SATB1: variants seen among roughly 807,000 people sequenced by gnomAD.
SATB1 encodes SATB homeobox 1, also known as DNA-binding protein SATB1.
In SATB1, 11 loss-of-function variants were observed where a neutral mutation model predicts 86.9. The observed-to-expected ratio is 0.13, with a 90% CI of 0.08 to 0.21. SATB1 has a LOEUF of 0.21. Among genes scored for constraint, SATB1 ranks in the 10% least tolerant of loss-of-function variants. The pLI is 1.00. For synonymous variants in SATB1, 357 were observed against 357.2 expected (o/e 1.00, Z 0.01); for missense variants, 551 against 937.6 (o/e 0.59, Z 5.39).
At chr3:18,412,449 T>C (rs1194023984) in intron 5 of SATB1, among the ~76,000 whole-genome samples, 3 of 152,044 alleles carry the variant, frequency 2.0e-5, no homozygotes, top group African/African-American at 4.8e-5. Flanking sequence ...AACTATAATA[T>C]TTAGGGCCCC....
chr3:18,384,200 T>G (rs1292235847), intron 8 of SATB1, among the ~76,000 whole-genome samples: 2 of 152,118 alleles, frequency 1.3e-5, no homozygotes, highest in African/African-American at 2.4e-5. Flanking sequence ...CAAAAATAAA[T>G]TAAACATATA....
chr3:18,408,797 T>C (rs985450759), intron 5 of SATB1: 1 of 151,786 alleles, frequency 6.6e-6, no homozygotes, highest in African/African-American at 2.4e-5. Context: ...TAACTAGTAA[T>C]TGAGAAAAAA....
intron 9 of SATB1, among the ~76,000 whole-genome samples, chr3:18,354,744 T>C (rs537091338): frequency 6.6e-6 from 1 of 152,262 alleles, no homozygotes; most frequent in South Asian, 2.1e-4. Flanking sequence ...AGATGTTCTT[T>C]GGAAAAGAAA....
chr3:18,431,112 T>C (rs1698876179), intron 2 of SATB1, among the ~76,000 whole-genome samples: 2 of 152,134 alleles, frequency 1.3e-5, no homozygotes, highest in South Asian at 4.1e-4. Context: ...TCCACCAAAA[T>C]TGGTACCTTT....
At chr3:18,441,302 T>C (rs79621938), upstream of SATB1, among the ~76,000 whole-genome samples, 1,683 of 152,276 alleles carry the variant, frequency 0.011, 36 homozygotes, top group African/African-American at 0.036. Context: ...AAATATTTCG[T>C]GGCAGCATTT....
upstream of SATB1, among the ~76,000 whole-genome samples, chr3:18,442,322 G>A (rs1575193785): frequency 1.3e-5 from 2 of 152,032 alleles, no homozygotes; most frequent in Non-Finnish European, 2.9e-5. Flanking sequence ...CTTGTATAAT[G>A]TTAGATGTAG....
Position 18,349,753 on chromosome 3 carries a change from GA to G in SATB1, c.1780-72del. ...TCCACACAAAGCCGTCTCCAATCAGGAAAAATGTGGTCCCGGATCCTACATA... is the reference window on the plus strand; with the variant it reads ...TCCACACAAAGCCGTCTCCAATCAGGAAAATGTGGTCCCGGATCCTACATA... On this transcript the variant is annotated intron_variant, in intron 10 of 10. Coordinates refer to ENST00000338745, the MANE Select transcript of SATB1 (RefSeq NM_002971.6). This position sits in a 1 kb window ranked among gnomAD's most constrained non-coding sequence, Gnocchi z 5.5. 6.6e-7 allele frequency: 1 copy of G among 1,509,610 alleles called. No individual in the cohort carries two copies. 93.5% of individuals were successfully genotyped at this position (1,509,610 alleles called of 1,614,324 possible).
intron 9 of SATB1, among the ~76,000 whole-genome samples, chr3:18,359,818 G>A (rs1362124172): frequency 2.0e-5 from 3 of 151,074 alleles, no homozygotes; most frequent in Non-Finnish European, 4.4e-5. Flanking sequence ...AAAAAAAACA[G>A]AAAACTCAGT....
At chr3:18,410,595 C>T (rs1231461622) in intron 5 of SATB1, among the ~76,000 whole-genome samples, 1 of 151,988 alleles carries the variant, frequency 6.6e-6, no homozygotes, top group Non-Finnish European at 1.5e-5. Context: ...ATGTTATATC[C>T]TTAACACTAC....
chr3:18,397,442 A>C, intron 5 of SATB1, 152 bp from the exon 6 acceptor site: 1 of 583,308 alleles, frequency 1.7e-6, no homozygotes. Flanking sequence ...CGACTTCTTA[A>C]TATTCATTAA....
At chr3:18,374,393 A>G (rs1158959618) in intron 9 of SATB1, among the ~76,000 whole-genome samples, 1 of 152,214 alleles carries the variant, frequency 6.6e-6, no homozygotes, top group Non-Finnish European at 1.5e-5. Flanking sequence ...TTCTGCTCTC[A>G]TAATTATTTG....
chr3:18,415,277 C>T, intron 4 of SATB1, 43 bp from the exon 5 acceptor site: 1 of 1,608,474 alleles, frequency 6.2e-7, no homozygotes, highest in Non-Finnish European at 8.5e-7. Flanking sequence ...TACAAGATTG[C>T]ATCCCGCTGC....
chr3:18,417,608 A>T (rs568636009), intron 2 of SATB1: 2 of 677,058 alleles, frequency 3.0e-6, no homozygotes, highest in East Asian at 5.5e-5. Flanking sequence ...TGGTTCCACA[A>T]ATCATTTTCT....
chr3:18,397,528 CTT>C (rs1240854474), intron 5 of SATB1, among the ~76,000 whole-genome samples: 4 of 152,152 alleles, frequency 2.6e-5, no homozygotes, highest in African/African-American at 9.7e-5. Context: ...AACCCACAGA[CTT>C]TGCTCTAGCA....
chr3:18,405,575 T>C (rs1697487180), intron 5 of SATB1, among the ~76,000 whole-genome samples: 1 of 152,006 alleles, frequency 6.6e-6, no homozygotes, highest in South Asian at 2.1e-4. Context: ...CAGGAGCATA[T>C]TAGATTTTTA....
At chr3:18,406,041 T>G (rs1381524067) in intron 5 of SATB1, among the ~76,000 whole-genome samples, 1 of 151,914 alleles carries the variant, frequency 6.6e-6, no homozygotes, top group Non-Finnish European at 1.5e-5. Context: ...TTGGAATGGG[T>G]TGTAAATCAT....
At chr3:18,445,485 G>T (rs981476039) in intron 1 of SATB1, 2 of 985,220 alleles carry the variant, frequency 2.0e-6, no homozygotes, top group Admixed American at 1.2e-4. Context: ...TGCGCGGCGC[G>T]GTTCTCGTCG....
intron 9 of SATB1, among the ~76,000 whole-genome samples, chr3:18,353,483 C>T (rs1181499154): frequency 6.6e-6 from 1 of 152,082 alleles, no homozygotes; most frequent in Non-Finnish European, 1.5e-5. Context: ...TGATCTAAGA[C>T]AAAGACATTT....
chr3:18,421,115 C>CTAGATATGATACAGATGTTATCA (rs2125171772), intron 1 of SATB1, 124 bp from the exon 2 acceptor site: 1 of 649,832 alleles, frequency 1.5e-6, no homozygotes, highest in South Asian at 1.9e-5. Context: ...GTAAAATGGC[C>CTAGATATGATACAGATGTTATCA]TATCTAGATA....
Sources: gnomAD v4.1 joint callset for allele counts (sites outside exome capture counted in the v4.1 genomes callset) on GRCh38, gnomAD v4.1.1 for gene constraint, Gnocchi (gnomAD v3.1) non-coding constraint, MANE v1.5 for transcripts, NCBI Gene and HGNC (gene_info 2026-07-23, HGNC 2026-07-21) for gene names.